CWF19L2: variants seen among roughly 807,000 people sequenced by gnomAD.
CWF19L2 encodes CWF19 like cell cycle control factor 2.
Under a neutral mutation model 111.7 loss-of-function variants are expected in CWF19L2, and 98 were observed. The ratio of observed to expected loss-of-function variants is 0.88; its 90% CI spans 0.75 to 1.04. The LOEUF is 1.04. CWF19L2 is among the 50% of genes least tolerant of loss of function. The pLI is 0.00. For synonymous variants in CWF19L2, 351 were observed against 342.9 expected (o/e 1.02, Z -0.26); for missense variants, 1,101 against 1,051.4 (o/e 1.05, Z -0.65).
chr11:107,447,616 A>G (rs1861719122), intron 3 of CWF19L2, among the ~76,000 whole-genome samples: 1 of 152,214 alleles, frequency 6.6e-6, no homozygotes, highest in South Asian at 2.1e-4. Context: ...GTGCATACGA[A>G]CAAAACTTAA....
In CWF19L2 at chr11:107,442,998, C is replaced by A; in HGVS notation, c.391G>T (p.Glu131Ter). ...EAVPSQTPDKEKAWKVKDEKS... is the reference protein window; with the variant it reads ...EAVPSQTPDK ...TCATCTTTCACTTTCCAGGCTTTTT[C>A]CTTGTCAGGAGTCTGGGATGGAACA... is the stretch of plus-strand genomic sequence containing the variant. The change falls in exon 4 of 18, where the codon GAA (glutamate) becomes TAA (stop). Residue 131 changes from glutamate to a stop codon, truncating the protein, a stop_gained. Transcript: ENST00000282251. LOFTEE classifies it high-confidence loss of function. 1.3e-6 allele frequency: 2 copies of A among 1,551,864 alleles called. No individual in the cohort carries two copies. Among genetic ancestry groups the A allele is most frequent in the Non-Finnish European group, 1.7e-6 (2 of 1,146,936 alleles).
intron 12 of CWF19L2, among the ~76,000 whole-genome samples, chr11:107,367,463 G>A (rs1860446701): frequency 7.7e-6 from 1 of 129,138 alleles, no homozygotes; most frequent in African/African-American, 3.2e-5. Context: ...TTAAGAAAAT[G>A]TGGCACATAT....
intron 14 of CWF19L2, among the ~76,000 whole-genome samples, chr11:107,342,478 CT>C (rs997591611): frequency 1.3e-5 from 2 of 151,828 alleles, no homozygotes; most frequent in African/African-American, 4.8e-5. Context: ...GATTATCTTT[CT>C]GTTATTAATT....
At position 107,329,924 on chromosome 11, in the gene CWF19L2, A is replaced by C; in HGVS notation, c.2535T>G (p.Phe845Leu). 6.4e-7 allele frequency: 1 copy of C among 1,566,618 alleles called. No homozygotes were observed. The highest frequency in any genetic ancestry group is 8.6e-7 in the Non-Finnish European group (1 of 1,159,726). The change falls in exon 17 of 18, where the codon TTT becomes TTG. Residue 845 changes from phenylalanine (F) to leucine (L), a missense_variant. Physicochemically the swap from Phe to Leu is conservative, Grantham distance 22. Coordinates refer to ENST00000282251, the MANE Select transcript of CWF19L2 (RefSeq NM_152434.3). The part of the protein sequence containing the change: ...IEDQHKFPHY[F>L]GKEIIGGMLD... ...ATCAAATTTGTAAGCCTACCTTTCCAAAGTAATGAGGGAATTTGTGCTGAT... is the reference window on the plus strand; with the variant it reads ...ATCAAATTTGTAAGCCTACCTTTCCCAAGTAATGAGGGAATTTGTGCTGAT...
At chr11:107,403,167 G>A (rs1304401202) in intron 10 of CWF19L2, among the ~76,000 whole-genome samples, 1 of 151,292 alleles carries the variant, frequency 6.6e-6, no homozygotes, top group Non-Finnish European at 1.5e-5. Context: ...TACTGCTTGA[G>A]TGATGGGTGC....
At chr11:107,446,518 G>A (rs1331040814) in intron 3 of CWF19L2, among the ~76,000 whole-genome samples, 1 of 152,026 alleles carries the variant, frequency 6.6e-6, no homozygotes, top group African/African-American at 2.4e-5. Flanking sequence ...CATGTTGGAT[G>A]GTATGCTAAA....
chr11:107,360,648 T>C (rs1860313691), intron 12 of CWF19L2, among the ~76,000 whole-genome samples: 2 of 152,176 alleles, frequency 1.3e-5, no homozygotes, highest in Admixed American at 1.3e-4. Flanking sequence ...CAAGCATCTG[T>C]TAGTTTTTTA....
intron 7 of CWF19L2, among the ~76,000 whole-genome samples, chr11:107,430,784 G>A (rs528337): frequency 1.3e-5 from 2 of 151,814 alleles, no homozygotes; most frequent in South Asian, 4.2e-4. Flanking sequence ...ACTAAGCCTG[G>A]AGATACGATG....
intron 10 of CWF19L2, among the ~76,000 whole-genome samples, chr11:107,414,725 T>G (rs1298198841): frequency 1.3e-5 from 2 of 152,276 alleles, no homozygotes; most frequent in Middle Eastern, 3.4e-3. Context: ...CTAAAAACCT[T>G]GGAGTCCTCT....
At chr11:107,331,859 A>AACCTGCTGCTTGCT (rs1859854198) in intron 16 of CWF19L2, among the ~76,000 whole-genome samples, 1 of 152,214 alleles carries the variant, frequency 6.6e-6, no homozygotes, top group African/African-American at 2.4e-5. Flanking sequence ...AAAAAGGTAC[A>AACCTGCTGCTTGCT]ACCTGCTGCT....
intron 8 of CWF19L2, among the ~76,000 whole-genome samples, chr11:107,419,009 G>A (rs1286566722): frequency 6.6e-6 from 1 of 152,208 alleles, no homozygotes; most frequent in Non-Finnish European, 1.5e-5. Flanking sequence ...TCACAGAACA[G>A]AGTACCAAAG....
At chr11:107,437,331 G>T (rs969459436) in intron 6 of CWF19L2, among the ~76,000 whole-genome samples, 8 of 152,140 alleles carry the variant, frequency 5.3e-5, no homozygotes, top group African/African-American at 1.7e-4. Context: ...TAGTGGAAAT[G>T]CCAACATTCT....
chr11:107,337,058 C>T (rs753819495), intron 14 of CWF19L2, among the ~76,000 whole-genome samples: 8 of 152,062 alleles, frequency 5.3e-5, no homozygotes, highest in Non-Finnish European at 8.8e-5. Context: ...AGGAAAATAT[C>T]CATAAGCCAA....
At chr11:107,332,973 C>T (rs1161524840) in intron 16 of CWF19L2, among the ~76,000 whole-genome samples, 1 of 151,914 alleles carries the variant, frequency 6.6e-6, no homozygotes, top group Admixed American at 6.6e-5. Flanking sequence ...CAGAAATTAG[C>T]CTGGCGTGGT....
At chr11:107,347,670 C>T (rs1035493803) in intron 14 of CWF19L2, among the ~76,000 whole-genome samples, 1 of 152,136 alleles carries the variant, frequency 6.6e-6, no homozygotes, top group African/African-American at 2.4e-5. Context: ...ACTAGAAATA[C>T]ACCACATATT....
chr11:107,438,146 C>CT (rs1565284928), intron 6 of CWF19L2, among the ~76,000 whole-genome samples: 2 of 152,066 alleles, frequency 1.3e-5, no homozygotes, highest in African/African-American at 4.8e-5. Flanking sequence ...AATAAAAATA[C>CT]ATTATGTATA....
intron 12 of CWF19L2, among the ~76,000 whole-genome samples, chr11:107,362,733 C>T (rs11823987): frequency 3.2e-4 from 49 of 151,428 alleles, no homozygotes; most frequent in African/African-American, 1.1e-3. Flanking sequence ...AAAAACAGAA[C>T]AGAAAAACTG....
chr11:107,372,247 T>C (rs1460929804), intron 12 of CWF19L2, among the ~76,000 whole-genome samples: 1 of 135,038 alleles, frequency 7.4e-6, no homozygotes, highest in Admixed American at 7.3e-5. Flanking sequence ...TGATGGCAAT[T>C]TGAGATGCTA....
chr11:107,341,189 C>A (rs12364307), intron 14 of CWF19L2, among the ~76,000 whole-genome samples: 1 of 152,070 alleles, frequency 6.6e-6, no homozygotes, highest in Non-Finnish European at 1.5e-5. Flanking sequence ...AAACTGGACC[C>A]TAAGCACATT....
Sources: gnomAD v4.1 joint callset for allele counts (sites outside exome capture counted in the v4.1 genomes callset) on GRCh38, gnomAD v4.1.1 for gene constraint, MANE v1.5 for transcripts, NCBI Gene and HGNC (gene_info 2026-07-23, HGNC 2026-07-21) for gene names.